The following B3GNT2 variants were observed in gnomAD, a reference collection of about 807,000 sequenced individuals.
B3GNT2 encodes the protein UDP-GlcNAc:betaGal beta-1,3-N-acetylglucosaminyltransferase 2.
In B3GNT2, 12 loss-of-function variants were observed where a neutral mutation model predicts 27.6. The observed-to-expected ratio is 0.44, with a 90% CI of 0.28 to 0.71. The LOEUF is 0.71. Among genes scored for constraint, B3GNT2 ranks in the 30% least tolerant of loss-of-function variants. The probability of loss-of-function intolerance (pLI) is 0.17; values close to 1 mark genes in which losing one functional copy is unlikely to be tolerated. For missense variants in B3GNT2, 413 were observed against 488.5 expected (o/e 0.85, Z 1.46); for synonymous variants, 192 against 189.7 (o/e 1.01, Z -0.10).
At chr2:62,204,163 A>G (rs567973846) in intron 1 of B3GNT2, among the ~76,000 whole-genome samples, 22 of 152,082 alleles carry the variant, frequency 1.4e-4, no homozygotes, top group Non-Finnish European at 2.5e-4. Flanking sequence ...AGTAGCTGGG[A>G]TTACAGGCAT....
intron 1 of B3GNT2, among the ~76,000 whole-genome samples, chr2:62,206,607 T>C (rs888167187): frequency 1.3e-5 from 2 of 152,262 alleles, no homozygotes; most frequent in South Asian, 2.1e-4. Flanking sequence ...TCTCTCTCTG[T>C]TGCCCAGGCT....
At position 62,223,925 on chromosome 2, in the gene B3GNT2, T is replaced by C. The variant is rs1368088195; in HGVS notation, c.*511T>C. ...AAACTGAAATTTCAGTTGTCAGTTGTGGAATTCAGTTTTTCAATTGTGGAA... is the reference window on the plus strand; with the variant it reads ...AAACTGAAATTTCAGTTGTCAGTTGCGGAATTCAGTTTTTCAATTGTGGAA... On this transcript the variant is annotated 3_prime_UTR_variant, in exon 2 of 2. Transcript: ENST00000301998. 6.0e-6 allele frequency: 1 copy of C among 167,398 alleles called. No homozygotes were observed. Among genetic ancestry groups the C allele is most frequent in the Non-Finnish European group, 1.5e-5 (1 of 68,344 alleles). 10.4% of individuals were successfully genotyped at this position (167,398 alleles called of 1,614,324 possible).
At position 62,222,650 on chromosome 2, in the gene B3GNT2, T is replaced by C. The variant is rs755371226; in HGVS notation, c.430T>C (p.Leu144=). The C allele has an allele frequency of 1.2e-6, 2 of 1,614,256 alleles. No homozygotes were observed. The highest frequency in any genetic ancestry group is 1.7e-6 in the Non-Finnish European group (2 of 1,180,054). Residue 144 remains leucine, a synonymous_variant, in exon 2 of 2, where the codon TTG becomes CTG. Coordinates refer to ENST00000301998, the MANE Select transcript of B3GNT2 (RefSeq NM_006577.6). This position sits in a 1 kb window ranked among gnomAD's most constrained non-coding sequence, Gnocchi z 4.2. ...QPDKCAKKPF[L]LLAIKSLTPH... is the part of the protein sequence containing the mutation. ...GGATAAGTGTGCAAAGAAACCTTTC[T>C]TGTTGCTGGCGATTAAGTCCCTCAC...
chr2:62,208,314 T>C (rs1232809196), intron 1 of B3GNT2, among the ~76,000 whole-genome samples: 1 of 151,400 alleles, frequency 6.6e-6, no homozygotes, highest in East Asian at 2.0e-4. Flanking sequence ...ACAAGGTCAC[T>C]TGGATAACAG....
intron 1 of B3GNT2, among the ~76,000 whole-genome samples, chr2:62,216,127 G>A (rs1403486571): frequency 6.6e-6 from 1 of 152,126 alleles, no homozygotes; most frequent in Non-Finnish European, 1.5e-5. Flanking sequence ...ACATTCAAAT[G>A]TTTTCTGGCC....
intron 1 of B3GNT2, among the ~76,000 whole-genome samples, chr2:62,198,095 T>C (rs1304741226): frequency 1.3e-5 from 2 of 152,240 alleles, no homozygotes; most frequent in Non-Finnish European, 2.9e-5. Flanking sequence ...ACTACTTTTT[T>C]AGTTCGGAAT....
intron 1 of B3GNT2, among the ~76,000 whole-genome samples, chr2:62,215,815 C>T (rs1055051383): frequency 3.3e-5 from 5 of 152,160 alleles, no homozygotes; most frequent in African/African-American, 1.2e-4. Context: ...CTCTGACACT[C>T]CTGGGGTTTA....
intron 1 of B3GNT2, among the ~76,000 whole-genome samples, chr2:62,200,640 T>C (rs1674249661): frequency 1.3e-5 from 2 of 152,204 alleles, no homozygotes; most frequent in African/African-American, 2.4e-5. Flanking sequence ...ATGTAAGCTC[T>C]CAGATTAAGA....
chr2:62,222,156 A>G lies in B3GNT2; in HGVS notation c.-9-56A>G. The G allele has an allele frequency of 7.0e-7, 1 of 1,419,540 alleles. No individual in the cohort carries two copies. The highest frequency in any genetic ancestry group is 9.6e-7 in the Non-Finnish European group (1 of 1,045,204). The allele number at this position is 1,419,540 out of a possible 1,614,324, so 87.9% of individuals were successfully genotyped here. On this transcript the variant is annotated intron_variant, in intron 1 of 1. Transcript: ENST00000301998. This position sits in a 1 kb window ranked among gnomAD's most constrained non-coding sequence, Gnocchi z 4.2. ...TGGGGAGACAGGTAAAATAAATTGT[A>G]TGTGCAAATGCAAATTGATAAGTAA...
chr2:62,209,791 T>A (rs1674446013), intron 1 of B3GNT2, among the ~76,000 whole-genome samples: 1 of 152,170 alleles, frequency 6.6e-6, no homozygotes, highest in African/African-American at 2.4e-5. Flanking sequence ...CTCCCTTCAC[T>A]GCAGGCTGTG....
At chr2:62,220,059 G>A (rs1452487851) in intron 1 of B3GNT2, among the ~76,000 whole-genome samples, 22 of 152,270 alleles carry the variant, frequency 1.4e-4, no homozygotes, top group Admixed American at 1.3e-4. Context: ...AGCAATACGG[G>A]ATTATAAAAA....
rs1054569935 is a variant in B3GNT2, at chr2:62,218,523, C to T, written c.-9-3689C>T. Among the ~76,000 whole-genome samples the T allele has an allele frequency of 2.6e-5, 4 of 152,160 alleles. No homozygotes were observed. The East Asian group carries it at 7.7e-4, about 29-fold the overall frequency. ...GCCCCCATTTCTCTTTCTTTGGAGC[C>T]TCTTTAACTATCAATGTACCATGAT... On this transcript the variant is annotated intron_variant, in intron 1 of 1. Coordinates refer to ENST00000301998, the MANE Select transcript of B3GNT2 (RefSeq NM_006577.6).
chr2:62,223,696 T>A lies in B3GNT2; in HGVS notation c.*282T>A. ...GTACCCTCTTATCTGAAATCCTGTTTCTGGAATTTGGCCATTTTAAGTGAT... is the reference window on the plus strand; with the variant it reads ...GTACCCTCTTATCTGAAATCCTGTTACTGGAATTTGGCCATTTTAAGTGAT... On this transcript the variant is annotated 3_prime_UTR_variant, in exon 2 of 2. Transcript: ENST00000301998. 3.4e-6 allele frequency: 1 copy of A among 290,598 alleles called. No individual in the cohort carries two copies. Among genetic ancestry groups the A allele is most frequent in the East Asian group, 7.0e-5 (1 of 14,364 alleles). The allele number at this position is 290,598 out of a possible 1,614,324, so 18.0% of individuals were successfully genotyped here.
chr2:62,203,781 G>A (rs548721926), intron 1 of B3GNT2, among the ~76,000 whole-genome samples: 2 of 152,210 alleles, frequency 1.3e-5, no homozygotes, highest in Admixed American at 1.3e-4. Flanking sequence ...CTGGGAGTTG[G>A]GGGTCAGGGA....
At chr2:62,209,298 C>T (rs1013087229) in intron 1 of B3GNT2, among the ~76,000 whole-genome samples, 2 of 152,154 alleles carry the variant, frequency 1.3e-5, no homozygotes, top group Middle Eastern at 3.2e-3. Context: ...TCCTGGTTCT[C>T]TTCCCCAGGG....
intron 1 of B3GNT2, among the ~76,000 whole-genome samples, chr2:62,213,968 T>C (rs1430614515): frequency 6.6e-6 from 1 of 152,088 alleles, no homozygotes; most frequent in Non-Finnish European, 1.5e-5. Flanking sequence ...GGTGGTGCAG[T>C]GTGAAGACCT....
intron 1 of B3GNT2, among the ~76,000 whole-genome samples, chr2:62,209,043 G>A (rs1288541912): frequency 6.6e-6 from 1 of 152,072 alleles, no homozygotes; most frequent in East Asian, 1.9e-4. Context: ...CTGGGTCGGA[G>A]TGCAGTGGTA....
At chr2:62,201,594 TG>T (rs1009461035) in intron 1 of B3GNT2, among the ~76,000 whole-genome samples, 3 of 152,258 alleles carry the variant, frequency 2.0e-5, no homozygotes, top group Admixed American at 1.3e-4. Context: ...TCTCCTTATT[TG>T]TTTGGTACTT....
intron 1 of B3GNT2, among the ~76,000 whole-genome samples, chr2:62,201,558 G>A (rs151335193): frequency 5.3e-5 from 8 of 152,314 alleles, no homozygotes; most frequent in African/African-American, 1.9e-4. Context: ...CGTGTAAGCG[G>A]TATTACATAA....
Sources: gnomAD v4.1 joint callset for allele counts (sites outside exome capture counted in the v4.1 genomes callset) on GRCh38, gnomAD v4.1.1 for gene constraint, Gnocchi (gnomAD v3.1) non-coding constraint, MANE v1.5 for transcripts, NCBI Gene and HGNC (gene_info 2026-07-23, HGNC 2026-07-21) for gene names.